The following SUN3 variants were observed in gnomAD, a reference collection of about 807,000 sequenced individuals.
The protein encoded by SUN3 is SUN domain-containing protein 3.
SUN3 carries 36 observed loss-of-function variants against 48.2 expected under a neutral mutation model. The ratio of observed to expected loss-of-function variants is 0.75; its 90% CI spans 0.57 to 0.99. The LOEUF is 0.99. Among genes scored for constraint, SUN3 ranks in the 50% least tolerant of loss-of-function variants. SUN3 has a pLI of 0.00. For missense variants in SUN3, 419 were observed against 433.1 expected (o/e 0.97, Z 0.29); for synonymous variants, 148 against 147.9 (o/e 1.00, Z 0.00).
chr7:47,990,549 ACTTTGTCT>A (rs59051645), intron 8 of SUN3, among the ~76,000 whole-genome samples: 7,334 of 151,544 alleles, frequency 0.048, 588 homozygotes, highest in African/African-American at 0.17. Flanking sequence ...CTTTCTCTAT[ACTTTGTCT>A]CTTTGTCTCT....
chr7:48,010,341 G>C lies in SUN3; in HGVS notation c.289-1266C>G, dbSNP rs181666231. Among the ~76,000 whole-genome samples the C allele has an allele frequency of 2.7e-3, 414 of 152,284 alleles. 1 individual carries two copies. Among genetic ancestry groups the C allele is most frequent in the Non-Finnish European group, 4.6e-3 (315 of 68,032 alleles). ...AGCTGGTAAGAAGGGGAGGACAAGT[G>C]TGAAAGGGTGATCTCTTCCCCAGAG... is the stretch of plus-strand genomic sequence containing the variant. On this transcript the variant is annotated intron_variant, in intron 3 of 9. Coordinates refer to ENST00000297325, the MANE Select transcript of SUN3 (RefSeq NM_001030019.2).
intron 6 of SUN3, 112 bp from the exon 7 acceptor site, chr7:47,996,258 G>A (rs1353408781): frequency 1.7e-5 from 10 of 600,128 alleles, no homozygotes; most frequent in South Asian, 2.5e-5. Flanking sequence ...AATTATAAGC[G>A]AGGTAAAATT....
upstream of SUN3, among the ~76,000 whole-genome samples, chr7:48,031,957 A>G (rs965300524): frequency 2.6e-5 from 4 of 152,234 alleles, no homozygotes; most frequent in African/African-American, 7.2e-5. Context: ...ATTTGTGTCC[A>G]CATGAATGAG....
chr7:47,988,850 T>C lies in SUN3; in HGVS notation c.892A>G (p.Ile298Val). ...GITKKCEGEE[I>V]FLGQFIYNKT... ...TTATATATAAACTGACCTAGGAAAA[T>C]TTCTTCTCCTTCACATTTTTTTGTG... The change falls in exon 9 of 10, where the codon ATT becomes GTT. Residue 298 changes from isoleucine (I) to valine (V), a missense_variant. Ile to Val is a conservative substitution (Grantham distance 29). Coordinates refer to ENST00000297325, the MANE Select transcript of SUN3 (RefSeq NM_001030019.2). 1 of 1,606,224 alleles carries C rather than the reference T, an allele frequency of 6.2e-7. No homozygotes were observed. The highest frequency in any genetic ancestry group is 8.5e-7 in the Non-Finnish European group (1 of 1,175,630).
At chr7:47,999,134 A>T (rs1445677207) in intron 6 of SUN3, among the ~76,000 whole-genome samples, 2 of 152,174 alleles carry the variant, frequency 1.3e-5, no homozygotes, top group Admixed American at 1.3e-4. Flanking sequence ...TAAACATGGT[A>T]TACTTGTCCA....
At chr7:47,988,709 G>T in intron 9 of SUN3, 79 bp downstream of exon 9, 1 of 791,754 alleles carries the variant, frequency 1.3e-6, no homozygotes, top group Non-Finnish European at 2.0e-6. Context: ...ATTCTCATAC[G>T]TCACTTTACA....
upstream of SUN3, among the ~76,000 whole-genome samples, chr7:48,029,871 T>C (rs1790230791): frequency 6.6e-6 from 1 of 152,200 alleles, no homozygotes; most frequent in African/African-American, 2.4e-5. Context: ...TGTCTTATCT[T>C]CATTTCTCTG....
At chr7:48,035,388 G>C in the SUN3 span, 1 of 616,444 alleles carries the variant, frequency 1.6e-6, no homozygotes, top group South Asian at 1.8e-5. This position sits in a 1 kb window ranked among gnomAD's most constrained non-coding sequence, Gnocchi z 4.0. Context: ...GTTGACAGGC[G>C]GCGCCCGCGC....
At chr7:48,003,785 A>C (rs751862439) in intron 6 of SUN3, among the ~76,000 whole-genome samples, 1 of 152,208 alleles carries the variant, frequency 6.6e-6, no homozygotes, top group African/African-American at 2.4e-5. Flanking sequence ...GAAGTTGTTT[A>C]TCAGCTTAAG....
At chr7:48,019,256 G>C (rs922866440) in intron 2 of SUN3, among the ~76,000 whole-genome samples, 1 of 151,884 alleles carries the variant, frequency 6.6e-6, no homozygotes, top group African/African-American at 2.4e-5. Flanking sequence ...GGGGCAGAAA[G>C]AAATGAAGAA....
Position 48,007,244 on chromosome 7 carries a change from C to T in SUN3, c.413G>A (p.Arg138Lys), listed in dbSNP as rs1789550482. 6.2e-7 allele frequency: 1 copy of T among 1,614,018 alleles called. No individual in the cohort carries two copies. Among genetic ancestry groups the T allele is most frequent in the Admixed American group, 1.7e-5 (1 of 60,002 alleles). Residue 138 changes from arginine (R) to lysine (K), a missense_variant, in exon 5 of 10, where the codon AGA (arginine) becomes AAA (lysine). Transcript: ENST00000297325. ...EQIDVLKALL[R>K]DMKDGMDNNH... ...ATTGTCCATACCATCCTTCATATCT[C>T]TTAGCAATGCCTTCAGGACATCTAT...
In SUN3 at chr7:48,007,251, A is replaced by G. The variant is rs1392144533; in HGVS notation, c.406T>C (p.Leu136=). 3 of 1,614,038 alleles carry G rather than the reference A, an allele frequency of 1.9e-6. No homozygotes were observed. Among genetic ancestry groups the G allele is most frequent in the East Asian group, 2.2e-5 (1 of 44,892 alleles). The change falls in exon 5 of 10, where the codon TTG becomes CTG. Residue 136 remains leucine, a synonymous_variant. Transcript: ENST00000297325. The part of the protein sequence containing the change: ...LIEQIDVLKA[L]LRDMKDGMDN... ...ATACCATCCTTCATATCTCTTAGCA[A>G]TGCCTTCAGGACATCTATTTGTTCG...
chr7:48,031,863 C>CACACACAG (rs1470721515), upstream of SUN3, among the ~76,000 whole-genome samples: 4 of 151,328 alleles, frequency 2.6e-5, no homozygotes, highest in Non-Finnish European at 5.9e-5. Flanking sequence ...CACACACACA[C>CACACACAG]ACACACGGTG....
intron 6 of SUN3, among the ~76,000 whole-genome samples, chr7:48,000,843 T>C (rs1175762415): frequency 6.6e-6 from 1 of 151,342 alleles, no homozygotes; most frequent in East Asian, 1.9e-4. Flanking sequence ...TGATTTGCCA[T>C]GCTTTTTGAG....
chr7:48,030,751 A>C (rs976208875), upstream of SUN3, among the ~76,000 whole-genome samples: 1 of 152,232 alleles, frequency 6.6e-6, no homozygotes, highest in Admixed American at 6.5e-5. Context: ...ATATGTGTGA[A>C]TATATCTTTA....
intron 6 of SUN3, among the ~76,000 whole-genome samples, chr7:48,003,779 T>G (rs925544764): frequency 6.6e-6 from 1 of 152,210 alleles, no homozygotes; most frequent in African/African-American, 2.4e-5. Context: ...TTTGCTGAAG[T>G]TGTTTATCAG....
At chr7:48,031,389 C>T (rs1304532389), upstream of SUN3, among the ~76,000 whole-genome samples, 1 of 152,144 alleles carries the variant, frequency 6.6e-6, no homozygotes, top group Non-Finnish European at 1.5e-5. Flanking sequence ...GCTAGTGTTG[C>T]ACAAAGTGGT....
At chr7:48,025,320 T>C (rs924186666) in intron 2 of SUN3, among the ~76,000 whole-genome samples, 5 of 152,178 alleles carry the variant, frequency 3.3e-5, no homozygotes, top group African/African-American at 4.8e-5. Context: ...GATCACATGC[T>C]ATATGATCTT....
At chr7:47,990,788 G>C (rs1425537846) in intron 8 of SUN3, among the ~76,000 whole-genome samples, 1 of 150,382 alleles carries the variant, frequency 6.6e-6, no homozygotes, top group African/African-American at 2.4e-5. Context: ...GAACAAGATC[G>C]TGTCCTTTGC....
Sources: gnomAD v4.1 joint callset for allele counts (sites outside exome capture counted in the v4.1 genomes callset) on GRCh38, gnomAD v4.1.1 for gene constraint, Gnocchi (gnomAD v3.1) non-coding constraint, MANE v1.5 for transcripts, NCBI Gene and HGNC (gene_info 2026-07-23, HGNC 2026-07-21) for gene names.